The following TMEM131 variants were observed in gnomAD, a reference collection of about 807,000 sequenced individuals.
The protein encoded by TMEM131 is transmembrane protein 131, also known as 2610524E03Rik.
Under a neutral mutation model 211.6 loss-of-function variants are expected in TMEM131, and 66 were observed. The observed-to-expected ratio is 0.31, with a 90% CI of 0.26 to 0.38. The LOEUF (loss-of-function observed/expected upper bound fraction) is 0.38, where lower values mean the gene tolerates loss of function less well. Ranked by LOEUF, TMEM131 falls within the 10% of genes least tolerant of loss-of-function variation. The pLI is 1.00. For missense variants in TMEM131, 2,036 were observed against 2,299.3 expected (o/e 0.89, Z 2.34); for synonymous variants, 844 against 841.3 (o/e 1.00, Z -0.06).
At chr2:97,987,971 C>G (rs1307429751) in intron 1 of TMEM131, among the ~76,000 whole-genome samples, 1 of 152,154 alleles carries the variant, frequency 6.6e-6, no homozygotes, top group African/African-American at 2.4e-5. Flanking sequence ...AAAATTCATA[C>G]AGAATCTCAA....
intron 12 of TMEM131, among the ~76,000 whole-genome samples, chr2:97,816,779 G>C (rs1479328352): frequency 3.3e-5 from 5 of 152,204 alleles, no homozygotes; most frequent in African/African-American, 1.2e-4. Flanking sequence ...TGGTCAAAAA[G>C]CTCAAGAAAA....
intron 1 of TMEM131, among the ~76,000 whole-genome samples, chr2:97,928,747 C>T (rs771963197): frequency 2.6e-5 from 4 of 151,652 alleles, no homozygotes; most frequent in Non-Finnish European, 4.4e-5. Flanking sequence ...ACACTGAAAT[C>T]GAACAATTAA....
intron 3 of TMEM131, among the ~76,000 whole-genome samples, chr2:97,893,039 C>A (rs1178131399): frequency 1.3e-5 from 2 of 152,072 alleles, no homozygotes; most frequent in East Asian, 3.9e-4. Flanking sequence ...TAATGCTATC[C>A]CTCCCCTAGC....
At position 97,757,254 on chromosome 2, in the gene TMEM131, C is replaced by T; in HGVS notation, c.5497G>A (p.Gly1833Ser). Residue 1833 changes from glycine (G) to serine (S), a missense_variant, in exon 41 of 41, where the codon GGC (glycine) becomes AGC (serine). Around this residue, in one of 3 missense-constraint regions of TMEM131, gnomAD observed 1,623 missense variants for 1,805.9 expected, o/e 0.90. Coordinates refer to ENST00000186436, the MANE Select transcript of TMEM131 (RefSeq NM_015348.2). ...ANTLASIGLM[G>S]TENSPAPHAP... is the part of the protein sequence containing the mutation. ...TGAGGAGCAGGGGAGTTTTCTGTGC[C>T]CATGAGGCCGATGCTTGCCAGCGTG... The T allele has an allele frequency of 1.2e-6, 2 of 1,613,878 alleles. No homozygotes were observed. The highest frequency in any genetic ancestry group is 1.7e-6 in the Non-Finnish European group (2 of 1,179,872).
At chr2:97,979,911 T>C (rs964315467) in intron 1 of TMEM131, among the ~76,000 whole-genome samples, 4 of 152,212 alleles carry the variant, frequency 2.6e-5, no homozygotes, top group Non-Finnish European at 5.9e-5. Flanking sequence ...TAATCATATC[T>C]AGCTTTTGAT....
chr2:97,975,000 CA>C (rs1679469444), intron 1 of TMEM131, among the ~76,000 whole-genome samples: 2 of 152,114 alleles, frequency 1.3e-5, no homozygotes, highest in African/African-American at 2.4e-5. Flanking sequence ...ACTCCAACAA[CA>C]GCAGAAGACA....
intron 4 of TMEM131, among the ~76,000 whole-genome samples, chr2:97,877,841 C>T (rs1441684135): frequency 1.3e-5 from 2 of 152,060 alleles, no homozygotes; most frequent in Non-Finnish European, 2.9e-5. Flanking sequence ...GCAACAAAAG[C>T]CAAAATTGAC....
At chr2:97,838,426 C>CTTTTTTTTTTTTTTTTT (rs753635047) in intron 7 of TMEM131, among the ~76,000 whole-genome samples, 2 of 89,094 alleles carry the variant, frequency 2.2e-5, no homozygotes, top group African/African-American at 8.5e-5. Context: ...TAAGCTTAAA[C>CTTTTTTTTTTTTTTTTT]TTTTTTTTTT....
intron 3 of TMEM131, among the ~76,000 whole-genome samples, chr2:97,900,598 T>C (rs1249247819): frequency 6.6e-6 from 1 of 152,044 alleles, no homozygotes; most frequent in African/African-American, 2.4e-5. Flanking sequence ...ACATTTTCAT[T>C]ATCCACGTGT....
At chr2:97,987,071 A>G (rs1244247850) in intron 1 of TMEM131, among the ~76,000 whole-genome samples, 1 of 152,246 alleles carries the variant, frequency 6.6e-6, no homozygotes, top group Non-Finnish European at 1.5e-5. Flanking sequence ...AAAGTTGGCT[A>G]TGCTATTTCT....
intron 5 of TMEM131, among the ~76,000 whole-genome samples, chr2:97,848,153 C>T (rs1008822685): frequency 7.3e-4 from 111 of 152,170 alleles, no homozygotes; most frequent in Non-Finnish European, 8.4e-4. Flanking sequence ...CAGACTCACA[C>T]ATACAAGGTC....
intron 4 of TMEM131, among the ~76,000 whole-genome samples, chr2:97,874,661 G>C (rs567828698): frequency 6.6e-6 from 1 of 152,324 alleles, no homozygotes; most frequent in African/African-American, 2.4e-5. Context: ...ATCCTTTACA[G>C]ACAAGCAAAT....
intron 4 of TMEM131, among the ~76,000 whole-genome samples, chr2:97,884,071 GCCTC>G (rs1675042662): frequency 6.6e-6 from 1 of 151,900 alleles, no homozygotes; most frequent in African/African-American, 2.4e-5. Context: ...ATATAAATTT[GCCTC>G]TTAATATTGC....
intron 33 of TMEM131, among the ~76,000 whole-genome samples, chr2:97,771,224 A>C (rs549073808): frequency 4.6e-4 from 70 of 152,340 alleles, no homozygotes; most frequent in Non-Finnish European, 9.4e-4. Flanking sequence ...AATTTTAGGT[A>C]CAAATACTTC....
chr2:97,912,478 A>C (rs1676328770), intron 2 of TMEM131, among the ~76,000 whole-genome samples: 1 of 152,180 alleles, frequency 6.6e-6, no homozygotes, highest in Non-Finnish European at 1.5e-5. Context: ...TGCCCATGCC[A>C]TGCATTTTTT....
Position 97,921,143 on chromosome 2 carries a change from C to T in TMEM131, c.249+6283G>A, listed in dbSNP as rs78040478. Among the ~76,000 whole-genome samples, 78 of 152,214 alleles carry T rather than the reference C, an allele frequency of 5.1e-4. 1 individual carries two copies. The highest frequency in any genetic ancestry group is 1.8e-3 in the African/African-American group (74 of 41,526). On this transcript the variant is annotated intron_variant, in intron 2 of 40. Coordinates refer to ENST00000186436, the MANE Select transcript of TMEM131 (RefSeq NM_015348.2). ...AAAACTATAGTCATTAAAACGGTGA[C>T]CCTGGTATTAGGATAGACAAATAAG...
chr2:97,904,830 G>A (rs1184066666), intron 3 of TMEM131, among the ~76,000 whole-genome samples: 1 of 148,216 alleles, frequency 6.7e-6, no homozygotes, highest in African/African-American at 2.5e-5. Context: ...TGTTTCGTGT[G>A]GGGCTTATTT....
At chr2:97,959,067 A>G (rs767426451) in intron 1 of TMEM131, among the ~76,000 whole-genome samples, 1 of 152,216 alleles carries the variant, frequency 6.6e-6, no homozygotes, top group Non-Finnish European at 1.5e-5. Flanking sequence ...GAGTTGGCCA[A>G]TTGGAAGCCA....
At chr2:97,805,813 C>G (rs919946854) in intron 19 of TMEM131, 110 bp from the exon 20 acceptor site, 1 of 994,360 alleles carries the variant, frequency 1.0e-6, no homozygotes. Flanking sequence ...GCCCAAAAGA[C>G]ATCTTAGAAT....
Sources: gnomAD v4.1 joint callset for allele counts (sites outside exome capture counted in the v4.1 genomes callset) on GRCh38, gnomAD v4.1.1 for gene constraint, gnomAD v4.1.1 regional missense constraint, MANE v1.5 for transcripts, NCBI Gene and HGNC (gene_info 2026-07-23, HGNC 2026-07-21) for gene names.